CELF4: variants seen among roughly 807,000 people sequenced by gnomAD.
CELF4 encodes the protein CUG-BP- and ETR-3-like factor 4.
A neutral mutation model predicts 59.9 loss-of-function variants in CELF4; 18 were observed. That is an observed-to-expected ratio of 0.30 (90% CI 0.21 to 0.45). The LOEUF is 0.45. Ranked by LOEUF, CELF4 falls within the 20% of genes least tolerant of loss-of-function variation. CELF4 has a pLI of 1.00. For synonymous variants in CELF4, 261 were observed against 267.1 expected (o/e 0.98, Z 0.22); for missense variants, 456 against 689.0 (o/e 0.66, Z 3.79).
At chr18:37,443,712 C>T (rs1215124655) in intron 2 of CELF4, among the ~76,000 whole-genome samples, 1 of 152,116 alleles carries the variant, frequency 6.6e-6, no homozygotes, top group Non-Finnish European at 1.5e-5. Context: ...TCGGCTCCCT[C>T]TCCCTCTCCC....
At chr18:37,367,725 G>A (rs2098804009) in intron 2 of CELF4, among the ~76,000 whole-genome samples, 1 of 151,260 alleles carries the variant, frequency 6.6e-6, no homozygotes. Context: ...GAGAGAAAGA[G>A]AACGAAAGCA....
intron 2 of CELF4, among the ~76,000 whole-genome samples, chr18:37,407,553 A>G (rs1056810323): frequency 1.3e-5 from 2 of 151,424 alleles, no homozygotes; most frequent in Admixed American, 6.6e-5. Flanking sequence ...ATATGTATGT[A>G]TATGTGTATA....
At chr18:37,344,926 G>A (rs1366138097) in intron 2 of CELF4, among the ~76,000 whole-genome samples, 1 of 152,164 alleles carries the variant, frequency 6.6e-6, no homozygotes, top group Non-Finnish European at 1.5e-5. Context: ...AGAGGGGAGT[G>A]TGCCCTCCCT....
intron 1 of CELF4, among the ~76,000 whole-genome samples, chr18:37,524,841 C>T (rs533578209): frequency 5.3e-5 from 8 of 152,248 alleles, no homozygotes; most frequent in South Asian, 2.1e-4. Context: ...GCAGCGACCG[C>T]AGCGCCCAGC....
At chr18:37,249,761 C>T (rs1455996099) in intron 12 of CELF4, among the ~76,000 whole-genome samples, 1 of 152,110 alleles carries the variant, frequency 6.6e-6, no homozygotes, top group African/African-American at 2.4e-5. Flanking sequence ...TGGTGAAGTC[C>T]AACTCACCGA....
chr18:37,404,576 C>T (rs1365580456), intron 2 of CELF4, among the ~76,000 whole-genome samples: 1 of 152,174 alleles, frequency 6.6e-6, no homozygotes, highest in African/African-American at 2.4e-5. Flanking sequence ...GGGGCTGTGC[C>T]TGGGCCTGGA....
intron 2 of CELF4, among the ~76,000 whole-genome samples, chr18:37,327,970 C>G (rs905808364): frequency 1.3e-5 from 2 of 152,242 alleles, no homozygotes; most frequent in Admixed American, 1.3e-4. Flanking sequence ...GATTGTCACA[C>G]ATGAACCTGC....
At chr18:37,491,649 G>A (rs1378138352) in intron 1 of CELF4, among the ~76,000 whole-genome samples, 7 of 152,274 alleles carry the variant, frequency 4.6e-5, no homozygotes, top group Admixed American at 3.9e-4. Context: ...AGGAGGGAAG[G>A]GAGAAGGAGT....
intron 2 of CELF4, among the ~76,000 whole-genome samples, chr18:37,363,884 C>G (rs920130584): frequency 6.6e-6 from 1 of 152,188 alleles, no homozygotes; most frequent in Non-Finnish European, 1.5e-5. Context: ...TCTCTGGCCT[C>G]CTCTGCCTGG....
rs540787654 is a variant in CELF4, at chr18:37,505,507, G to A, written c.287-19900C>T. Among the ~76,000 whole-genome samples the A allele has an allele frequency of 7.9e-5, 12 of 152,264 alleles. No homozygotes were observed. In the East Asian group the frequency reaches 1.2e-3, roughly 15 times the overall value. On this transcript the variant is annotated intron_variant, in intron 1 of 12. Coordinates refer to ENST00000420428, the MANE Select transcript of CELF4 (RefSeq NM_020180.4). ...ACAGTGGGCTTTTGGGAGCCGAAAC[G>A]TCGGTGGGTCAGGGCCAGGTGGGGT...
intron 2 of CELF4, among the ~76,000 whole-genome samples, chr18:37,428,793 G>A (rs2099630186): frequency 6.6e-6 from 1 of 152,182 alleles, no homozygotes. Flanking sequence ...GCAGGAGGAA[G>A]TGTGCCTGAT....
intron 2 of CELF4, among the ~76,000 whole-genome samples, chr18:37,390,881 G>A (rs928690795): frequency 3.9e-5 from 6 of 151,936 alleles, no homozygotes; most frequent in Middle Eastern, 3.4e-3. Context: ...CCAGGTGCCC[G>A]GTGCAGGCCC....
At chr18:37,297,045 G>A (rs1231508315) in intron 3 of CELF4, among the ~76,000 whole-genome samples, 1 of 152,188 alleles carries the variant, frequency 6.6e-6, no homozygotes, top group Non-Finnish European at 1.5e-5. Flanking sequence ...TTGACAGCGA[G>A]CAGGGAGAGA....
intron 2 of CELF4, among the ~76,000 whole-genome samples, chr18:37,322,657 C>T (rs2097164249): frequency 6.6e-6 from 1 of 152,200 alleles, no homozygotes; most frequent in African/African-American, 2.4e-5. Flanking sequence ...GGCTGCCTGG[C>T]TTCAGGGCTC....
chr18:37,551,257 G>A (rs1292512575), intron 1 of CELF4, among the ~76,000 whole-genome samples: 2 of 152,146 alleles, frequency 1.3e-5, no homozygotes, highest in Non-Finnish European at 2.9e-5. Context: ...GTCTGTGGAA[G>A]GTCCATAAGA....
At chr18:37,461,972 A>T (rs1226880395) in intron 2 of CELF4, among the ~76,000 whole-genome samples, 2 of 152,174 alleles carry the variant, frequency 1.3e-5, no homozygotes, top group Admixed American at 6.5e-5. Flanking sequence ...TCATAGTGGT[A>T]CTGTTGAAAG....
chr18:37,273,298 T>G, intron 6 of CELF4, 135 bp from the exon 7 acceptor site: 1 of 1,440,854 alleles, frequency 6.9e-7, no homozygotes, highest in Admixed American at 2.8e-5. Flanking sequence ...CAGAAAGCCC[T>G]GATGCCTCTC....
intron 3 of CELF4, among the ~76,000 whole-genome samples, chr18:37,319,906 G>T (rs2154519063): frequency 6.6e-6 from 1 of 152,322 alleles, no homozygotes; most frequent in East Asian, 1.9e-4. Context: ...TGGCTGGGAG[G>T]TGGAGGGCAG....
At chr18:37,539,030 C>A (rs757499869) in intron 1 of CELF4, among the ~76,000 whole-genome samples, 2 of 152,174 alleles carry the variant, frequency 1.3e-5, no homozygotes, top group Non-Finnish European at 2.9e-5. Context: ...GAAGCAGTGG[C>A]AGGCTTGAGA....
Sources: allele counts gnomAD v4.1 joint callset (sites outside exome capture counted in the v4.1 genomes callset), GRCh38; gene constraint gnomAD v4.1.1; transcripts MANE v1.5; gene names NCBI Gene and HGNC (gene_info 2026-07-23, HGNC 2026-07-21).